The following CERKL variants were observed in gnomAD, a reference collection of about 807,000 sequenced individuals.
The protein encoded by CERKL is CERK like autophagy regulator, also known as ceramide kinase-like protein.
CERKL carries 61 observed loss-of-function variants against 63.4 expected under a neutral mutation model. The observed-to-expected ratio is 0.96, with a 90% confidence interval of 0.78 to 1.19. The LOEUF is 1.19. Among genes scored for constraint, CERKL ranks in the 50% most tolerant of loss-of-function variants. The probability of loss-of-function intolerance (pLI) is 0.00; values close to 1 mark genes in which losing one functional copy is unlikely to be tolerated. For missense variants in CERKL, 675 were observed against 655.5 expected, an observed-to-expected ratio of 1.03 and a Z score of -0.33; for synonymous variants, 250 against 230.5, an observed-to-expected ratio of 1.08 and a Z score of -0.77.
intron 3 of CERKL, among the ~76,000 whole-genome samples, chr2:181,573,544 A>AATATCTGAAAAT: frequency 6.6e-6 from 1 of 152,316 alleles, no homozygotes; most frequent in African/African-American, 2.4e-5. Context: ...TATCTGAAAA[A>AATATCTGAAAAT]ATTCTAAAGA....
chr2:181,536,734 GACTTTCTGGA>G lies in CERKL; in HGVS notation c.*1440_*1449del, dbSNP rs1370842916. ...TACTATATGAGGTTCTATTTTAAATGACTTTCTGGATTTTAAAAAATTTCTTTAAATACAA... is the reference window on the plus strand; with the variant it reads ...TACTATATGAGGTTCTATTTTAAATGTTTTAAAAAATTTCTTTAAATACAA... On this transcript the variant is annotated 3_prime_UTR_variant, in exon 13 of 13. Coordinates refer to ENST00000410087, the MANE Select transcript of CERKL (RefSeq NM_201548.5). 4.1e-6 allele frequency: 1 copy of G among 246,500 alleles called. No homozygotes were observed. The highest frequency in any genetic ancestry group is 2.3e-5 in the African/African-American group (1 of 43,520). The allele number at this position is 246,500 out of a possible 1,614,324, so 15.3% of individuals were successfully genotyped here.
intron 2 of CERKL, among the ~76,000 whole-genome samples, chr2:181,595,071 A>G (rs1451625340): frequency 6.6e-6 from 1 of 152,190 alleles, no homozygotes; most frequent in Non-Finnish European, 1.5e-5. Context: ...ATTAAGTGAT[A>G]ATCCATTATA....
intron 1 of CERKL, among the ~76,000 whole-genome samples, chr2:181,633,797 AAAGAT>A (rs1338288256): frequency 6.6e-6 from 1 of 152,204 alleles, no homozygotes; most frequent in African/African-American, 2.4e-5. Context: ...TCCATAAAGT[AAAGAT>A]TTCACAGTTT....
chr2:181,631,036 G>GA (rs1686935237), intron 1 of CERKL, among the ~76,000 whole-genome samples: 1 of 152,124 alleles, frequency 6.6e-6, no homozygotes, highest in Non-Finnish European at 1.5e-5. Context: ...GGAGGCCATT[G>GA]AATTATTTTA....
rs1242035197 is a variant in CERKL, at chr2:181,558,326, A to G, written c.820+240T>C. On this transcript the variant is annotated intron_variant, in intron 5 of 12. Coordinates refer to ENST00000410087, the MANE Select transcript of CERKL (RefSeq NM_201548.5). The surrounding 1 kb of genome is among the most constrained non-coding windows in gnomAD (Gnocchi z 4.2). ...CTTTACTAAACCAAACGTTAGTACTACAATAACCTTGTAATAAAGTGAATA... is the reference window on the plus strand; with the variant it reads ...CTTTACTAAACCAAACGTTAGTACTGCAATAACCTTGTAATAAAGTGAATA... 6.6e-6 allele frequency among the ~76,000 whole-genome samples: 1 copy of G among 152,158 alleles called. No individual in the cohort carries two copies. The highest frequency in any genetic ancestry group is 1.5e-5 in the Non-Finnish European group (1 of 68,030).
intron 1 of CERKL, among the ~76,000 whole-genome samples, chr2:181,607,325 T>G (rs999575158): frequency 1.3e-5 from 2 of 152,230 alleles, no homozygotes; most frequent in Non-Finnish European, 2.9e-5. Context: ...TATGAAGTTA[T>G]AGCCTTTTAC....
At chr2:181,636,139 T>G (rs1015301938) in intron 1 of CERKL, among the ~76,000 whole-genome samples, 1 of 152,196 alleles carries the variant, frequency 6.6e-6, no homozygotes, top group Non-Finnish European at 1.5e-5. Context: ...TTACATATTT[T>G]GCTAGTCACT....
intron 1 of CERKL, among the ~76,000 whole-genome samples, chr2:181,628,491 G>A (rs1043875643): frequency 3.6e-4 from 55 of 152,236 alleles, no homozygotes; most frequent in East Asian, 1.9e-3. Context: ...TGTTTGAAAT[G>A]CTCTATTTTC....
At chr2:181,542,821 A>T (rs1687570546) in intron 11 of CERKL, among the ~76,000 whole-genome samples, 1 of 152,166 alleles carries the variant, frequency 6.6e-6, no homozygotes, top group Non-Finnish European at 1.5e-5. Flanking sequence ...ATCGATACAG[A>T]TTTTTATTAT....
chr2:181,578,649 T>G (rs1037348712), intron 2 of CERKL, among the ~76,000 whole-genome samples: 2 of 151,918 alleles, frequency 1.3e-5, no homozygotes, highest in Non-Finnish European at 2.9e-5. Flanking sequence ...ATTCTACAGC[T>G]TTTCACATAG....
In CERKL at chr2:181,539,271, A is replaced by C. The variant is rs778078371; in HGVS notation, c.1366-7T>G. 6.6e-7 allele frequency: 1 copy of C among 1,523,368 alleles called. No individual in the cohort carries two copies. The highest frequency in any genetic ancestry group is 9.1e-7 in the Non-Finnish European group (1 of 1,098,278). 94.4% of individuals were successfully genotyped at this position (1,523,368 alleles called of 1,614,324 possible). A position where few individuals can be genotyped will look rare whatever the true frequency, so the allele number is the denominator to read the frequency against. ...CAACAAATGGAAAATTGAACTAAAA[A>C]TAAATACAAATAATCATTATACTTG... On this transcript the variant is annotated splice_region_variant and splice_polypyrimidine_tract_variant and intron_variant, in intron 11 of 12. Transcript: ENST00000410087.
chr2:181,646,712 A>G (rs1687686249), intron 1 of CERKL, among the ~76,000 whole-genome samples: 1 of 152,204 alleles, frequency 6.6e-6, no homozygotes, highest in African/African-American at 2.4e-5. Context: ...TACAAAAACC[A>G]AGAGAGTTAA....
Position 181,656,812 on chromosome 2 carries a change from C to G in CERKL, c.195G>C (p.Glu65Asp), listed in dbSNP as rs1481919811. 1.3e-6 allele frequency: 2 copies of G among 1,596,756 alleles called. No individual in the cohort carries two copies. The highest frequency in any genetic ancestry group is 1.7e-6 in the Non-Finnish European group (2 of 1,168,920). Residue 65 changes from glutamate to aspartate, a missense_variant, in exon 1 of 13, where the codon GAG (glutamate) becomes GAC (aspartate). Glu to Asp is a conservative substitution (Grantham distance 45). Coordinates refer to ENST00000410087, the MANE Select transcript of CERKL (RefSeq NM_201548.5). ...GRDSCDVVLSERALRWRPIQP... is the reference protein window; with the variant it reads ...GRDSCDVVLSDRALRWRPIQP... ...GAATGGGCCGCCACCGCAGTGCTCG[C>G]TCGCTCAGCACCACGTCACAACTGT...
intron 5 of CERKL, among the ~76,000 whole-genome samples, chr2:181,556,685 G>A (rs970634954): frequency 3.9e-5 from 6 of 152,078 alleles, no homozygotes; most frequent in Non-Finnish European, 8.8e-5. Flanking sequence ...GCTATTGTGA[G>A]TAGTGCCACA....
At chr2:181,561,600 G>A in intron 4 of CERKL, among the ~76,000 whole-genome samples, 1 of 152,138 alleles carries the variant, frequency 6.6e-6, no homozygotes, top group Admixed American at 6.5e-5. Context: ...ATCATTTGCA[G>A]GAGAAATTTG....
At chr2:181,642,132 T>A (rs768715935) in intron 1 of CERKL, among the ~76,000 whole-genome samples, 27 of 152,354 alleles carry the variant, frequency 1.8e-4, no homozygotes, top group Admixed American at 8.5e-4. Context: ...AATTTTTTTC[T>A]AAAGAGGCTT....
intron 5 of CERKL, among the ~76,000 whole-genome samples, chr2:181,556,902 C>G (rs569001863): frequency 5.3e-5 from 8 of 152,106 alleles, no homozygotes; most frequent in African/African-American, 1.7e-4. Context: ...CTCTCCAGCA[C>G]CTGTTGTTTC....
At chr2:181,584,374 C>T (rs758572826) in intron 2 of CERKL, among the ~76,000 whole-genome samples, 3 of 151,726 alleles carry the variant, frequency 2.0e-5, no homozygotes, top group Non-Finnish European at 2.9e-5. Flanking sequence ...TGGCTGGATA[C>T]AGTGGCATAT....
chr2:181,652,171 C>CAA (rs56712055), intron 1 of CERKL, among the ~76,000 whole-genome samples: 3 of 151,600 alleles, frequency 2.0e-5, no homozygotes, highest in Non-Finnish European at 4.4e-5. Context: ...TGCAGAACCA[C>CAA]AAAAAAAACC....
Sources: gnomAD v4.1 joint callset for allele counts (sites outside exome capture counted in the v4.1 genomes callset) on GRCh38, gnomAD v4.1.1 for gene constraint, Gnocchi (gnomAD v3.1) non-coding constraint, MANE v1.5 for transcripts, NCBI Gene and HGNC (gene_info 2026-07-23, HGNC 2026-07-21) for gene names.